Variants in ADAM23 observed in about 807,000 individuals in gnomAD.
ADAM23 encodes disintegrin and metalloproteinase domain-containing protein 23.
ADAM23 carries 33 observed loss-of-function variants against 120.1 expected under a neutral mutation model. The observed-to-expected ratio is 0.27, with a 90% CI of 0.21 to 0.37. The LOEUF is 0.37. Ranked by LOEUF, ADAM23 falls within the 10% of genes least tolerant of loss-of-function variation. The pLI is 1.00. For synonymous variants in ADAM23, 367 were observed against 375.2 expected, an observed-to-expected ratio of 0.98 and a Z score of 0.25; for missense variants, 862 against 1,058.2, an observed-to-expected ratio of 0.81 and a Z score of 2.57.
At chr2:206,564,441 A>G (rs533406562) in intron 13 of ADAM23, among the ~76,000 whole-genome samples, 4 of 152,234 alleles carry the variant, frequency 2.6e-5, no homozygotes, top group Non-Finnish European at 4.4e-5. Context: ...ACTCTAACAA[A>G]TTGAATTCTC....
chr2:206,459,605 A>G (rs1695371667), intron 2 of ADAM23, among the ~76,000 whole-genome samples: 1 of 152,232 alleles, frequency 6.6e-6, no homozygotes, highest in Non-Finnish European at 1.5e-5. Flanking sequence ...TCTTTCACAG[A>G]AAGCATAATC....
chr2:206,486,281 G>A lies in ADAM23; in HGVS notation c.509+4973G>A, dbSNP rs147050106. 2.9e-3 allele frequency among the ~76,000 whole-genome samples: 438 copies of A among 150,844 alleles called. 3 individuals carry two copies. Among genetic ancestry groups the A allele is most frequent in the African/African-American group, 9.5e-3 (391 of 41,184 alleles). ...GTTTAGTGTTTCCTCTAAAATAGCC[G>A]TTATTCCAGGTTACAGAAGATTTTG... is the stretch of plus-strand genomic sequence containing the variant. On this transcript the variant is annotated intron_variant, in intron 3 of 25. Transcript: ENST00000264377.
At chr2:206,600,904 A>C (rs953451935) in intron 24 of ADAM23, among the ~76,000 whole-genome samples, 2 of 152,190 alleles carry the variant, frequency 1.3e-5, no homozygotes, top group East Asian at 3.8e-4. Flanking sequence ...TACGTTGTTC[A>C]TTTCACATGC....
chr2:206,527,015 A>T (rs1696960137), intron 3 of ADAM23, among the ~76,000 whole-genome samples: 1 of 152,042 alleles, frequency 6.6e-6, no homozygotes, highest in South Asian at 2.1e-4. Context: ...ACGTTTATTC[A>T]TTTACTTATA....
At chr2:206,564,277 G>C (rs1452884556) in intron 13 of ADAM23, among the ~76,000 whole-genome samples, 1 of 152,020 alleles carries the variant, frequency 6.6e-6, no homozygotes, top group Non-Finnish European at 1.5e-5. Flanking sequence ...ATGAAGAGAA[G>C]AGCCCATCAC....
intron 25 of ADAM23, among the ~76,000 whole-genome samples, chr2:206,616,292 A>G (rs1326034073): frequency 1.3e-5 from 2 of 152,230 alleles, no homozygotes; most frequent in Non-Finnish European, 2.9e-5. Context: ...GCTTTCAAGA[A>G]TGTTGACTTA....
chr2:206,535,488 C>A (rs1053059586), intron 4 of ADAM23, among the ~76,000 whole-genome samples: 6 of 152,112 alleles, frequency 3.9e-5, no homozygotes, highest in African/African-American at 1.4e-4. Context: ...TACATATGTC[C>A]ACAAAGAAAC....
chr2:206,580,428 G>A (rs561800085), intron 18 of ADAM23, among the ~76,000 whole-genome samples: 105 of 152,232 alleles, frequency 6.9e-4, no homozygotes, highest in Non-Finnish European at 1.2e-3. Context: ...AATGATAAAG[G>A]GATGCTGGAT....
intron 9 of ADAM23, among the ~76,000 whole-genome samples, chr2:206,553,600 C>G (rs1357355474): frequency 2.6e-5 from 4 of 151,948 alleles, no homozygotes; most frequent in African/African-American, 9.7e-5. Flanking sequence ...GTCCCAAATA[C>G]GTATGACATT....
At chr2:206,469,003 T>G (rs994821961) in intron 2 of ADAM23, among the ~76,000 whole-genome samples, 5 of 152,116 alleles carry the variant, frequency 3.3e-5, no homozygotes, top group Non-Finnish European at 5.9e-5. Context: ...AACTCACTAC[T>G]GCGATGACAG....
intron 3 of ADAM23, among the ~76,000 whole-genome samples, chr2:206,513,214 A>G (rs1406056316): frequency 6.6e-6 from 1 of 152,226 alleles, no homozygotes; most frequent in Non-Finnish European, 1.5e-5. Context: ...GTTTCAAGGC[A>G]TGTTGAAAGC....
intron 2 of ADAM23, among the ~76,000 whole-genome samples, chr2:206,470,706 T>A (rs1695639564): frequency 6.6e-6 from 1 of 152,192 alleles, no homozygotes; most frequent in Non-Finnish European, 1.5e-5. Flanking sequence ...ACTCCCAATG[T>A]GAAAGTTACT....
intron 21 of ADAM23, 140 bp from the exon 22 acceptor site, chr2:206,592,477 C>A (rs1038277148): frequency 1.7e-5 from 18 of 1,074,646 alleles, no homozygotes; most frequent in Admixed American, 7.1e-5. Context: ...TATCACCTAC[C>A]AATGATATAT....
At chr2:206,508,273 A>G (rs748731870) in intron 3 of ADAM23, among the ~76,000 whole-genome samples, 56 of 152,206 alleles carry the variant, frequency 3.7e-4, no homozygotes, top group East Asian at 3.3e-3. Flanking sequence ...TGATCCGCCC[A>G]CCTTGGCCTC....
chr2:206,552,565 G>A (rs1188998817), intron 9 of ADAM23, among the ~76,000 whole-genome samples: 2 of 152,042 alleles, frequency 1.3e-5, no homozygotes, highest in African/African-American at 4.8e-5. Context: ...TACACACCAT[G>A]TCACATGTTC....
At chr2:206,557,601 A>G (rs72937523) in intron 10 of ADAM23, 103 bp downstream of exon 10, 69,946 of 1,071,764 alleles carry the variant, frequency 0.065, 2,803 homozygotes, top group Middle Eastern at 0.14. Flanking sequence ...TTAAAAACAC[A>G]ATCCTGAAGC....
chr2:206,564,295 A>G (rs574560542), intron 13 of ADAM23, among the ~76,000 whole-genome samples: 23 of 152,230 alleles, frequency 1.5e-4, no homozygotes, highest in African/African-American at 4.3e-4. Flanking sequence ...CACAATATCA[A>G]TATGTCAGTT....
At chr2:206,496,652 A>C (rs1210206780) in intron 3 of ADAM23, among the ~76,000 whole-genome samples, 1 of 152,244 alleles carries the variant, frequency 6.6e-6, no homozygotes, top group African/African-American at 2.4e-5. Context: ...AACTAAGATC[A>C]GAGCACAACT....
At chr2:206,510,557 G>T (rs1186500527) in intron 3 of ADAM23, among the ~76,000 whole-genome samples, 2 of 152,116 alleles carry the variant, frequency 1.3e-5, no homozygotes, top group African/African-American at 4.8e-5. Context: ...GGTCTTTTTA[G>T]CATGGTTTCT....
Sources: gnomAD v4.1 joint callset for allele counts (sites outside exome capture counted in the v4.1 genomes callset) on GRCh38, gnomAD v4.1.1 for gene constraint, MANE v1.5 for transcripts, NCBI Gene and HGNC (gene_info 2026-07-23, HGNC 2026-07-21) for gene names.